The following EPS8 variants were observed in gnomAD, a reference collection of about 807,000 sequenced individuals.
The protein encoded by EPS8 is EGFR pathway substrate 8, signaling adaptor, also known as epidermal growth factor receptor kinase substrate 8.
EPS8 carries 42 observed loss-of-function variants against 103.8 expected under a neutral mutation model. The ratio of observed to expected loss-of-function variants is 0.40; its 90% CI spans 0.32 to 0.52. The LOEUF is 0.52. Ranked by LOEUF, EPS8 falls within the 20% of genes least tolerant of loss-of-function variation. EPS8 has a pLI of 0.40. For missense variants in EPS8, 969 were observed against 1,005.1 expected (o/e 0.96, Z 0.49); for synonymous variants, 344 against 344.6 (o/e 1.00, Z 0.02).
chr12:15,689,298 GTATT>G (rs1565501459), intron 1 of EPS8, among the ~76,000 whole-genome samples: 1 of 151,956 alleles, frequency 6.6e-6, no homozygotes, highest in East Asian at 1.9e-4. Context: ...GAAAGGAAGA[GTATT>G]TACTGAGAAA....
chr12:15,673,650 C>T (rs1402079055), intron 3 of EPS8, among the ~76,000 whole-genome samples: 1 of 152,168 alleles, frequency 6.6e-6, no homozygotes, highest in East Asian at 1.9e-4. Flanking sequence ...CAGTGTGCAA[C>T]TCATCTACTA....
intron 6 of EPS8, among the ~76,000 whole-genome samples, chr12:15,667,098 G>A (rs920411345): frequency 5.9e-5 from 9 of 151,990 alleles, no homozygotes; most frequent in South Asian, 2.1e-4. Flanking sequence ...ATTTTTCTTG[G>A]GGAGCAACGT....
chr12:15,694,327 T>C (rs890850238), intron 1 of EPS8, among the ~76,000 whole-genome samples: 2 of 152,226 alleles, frequency 1.3e-5, no homozygotes, highest in African/African-American at 2.4e-5. Context: ...AGCTGGTATT[T>C]TGGTAGTATA....
At chr12:15,750,808 C>T (rs1445583558) in intron 1 of EPS8, among the ~76,000 whole-genome samples, 1 of 152,088 alleles carries the variant, frequency 6.6e-6, no homozygotes, top group Non-Finnish European at 1.5e-5. Context: ...TTTTAAAGAC[C>T]ATGTTTTAGA....
chr12:15,752,893 A>G lies in EPS8; in HGVS notation c.-22+36268T>C, dbSNP rs1005881520. ...AATCCTATGAGAAAGGCAAGGCAAG[A>G]ACCATTACTTTCCTAACAACATCAA... On this transcript the variant is annotated intron_variant, in intron 1 of 20. Coordinates refer to ENST00000281172, the MANE Select transcript of EPS8 (RefSeq NM_004447.6). The surrounding 1 kb of genome is among the most constrained non-coding windows in gnomAD (Gnocchi z 4.4). Among the ~76,000 whole-genome samples, 5 of 152,162 alleles carry G rather than the reference A, an allele frequency of 3.3e-5. No homozygotes were observed. Among genetic ancestry groups the G allele is most frequent in the African/African-American group, 1.2e-4 (5 of 41,426 alleles).
chr12:15,691,009 G>C (rs1464695627), intron 1 of EPS8, among the ~76,000 whole-genome samples: 1 of 151,962 alleles, frequency 6.6e-6, no homozygotes, highest in Non-Finnish European at 1.5e-5. Context: ...TTGTCAGTAG[G>C]TAATCCTACT....
At position 15,759,002 on chromosome 12, in the gene EPS8, T is replaced by A. The variant is rs1947015224; in HGVS notation, c.-22+30159A>T. 6.6e-6 allele frequency among the ~76,000 whole-genome samples: 1 copy of A among 152,170 alleles called. No individual in the cohort carries two copies. The highest frequency in any genetic ancestry group is 1.5e-5 in the Non-Finnish European group (1 of 68,016). On this transcript the variant is annotated intron_variant, in intron 1 of 20. Coordinates refer to ENST00000281172, the MANE Select transcript of EPS8 (RefSeq NM_004447.6). This position sits in a 1 kb window ranked among gnomAD's most constrained non-coding sequence, Gnocchi z 4.9. ...CTATTCAATGCACTCCAGCCTGGAT[T>A]CTGGATTCTTCTACAGATTTTTTTT...
At position 15,738,626 on chromosome 12, in the gene EPS8, T is replaced by A. The variant is rs144396403; in HGVS notation, c.-22+50535A>T. Among the ~76,000 whole-genome samples the A allele has an allele frequency of 1.2e-3, 177 of 152,346 alleles. No individual in the cohort carries two copies. Among genetic ancestry groups the A allele is most frequent in the African/African-American group, 4.1e-3 (169 of 41,588 alleles). ...TGCCCTAGGGCATTCTGCATTATTA[T>A]GCCCTAGGGCATTTTAAGTACCTTA... On this transcript the variant is annotated intron_variant, in intron 1 of 20. Coordinates refer to ENST00000281172, the MANE Select transcript of EPS8 (RefSeq NM_004447.6). The surrounding 1 kb of genome is among the most constrained non-coding windows in gnomAD (Gnocchi z 6.2).
rs186172019 is a variant in EPS8, at chr12:15,696,580, G to T, written c.-21-13608C>A. Among the ~76,000 whole-genome samples the T allele has an allele frequency of 1.4e-3, 214 of 152,204 alleles. No homozygotes were observed. The highest frequency in any genetic ancestry group is 4.9e-3 in the African/African-American group (205 of 41,534). Reference sequence around the variant, plus strand: ...TGCTTGAACCCAGGAGGCGGAGGTTGCAGTGAGCCAAGATCGCACCATTGA... The same window carrying T: ...TGCTTGAACCCAGGAGGCGGAGGTTTCAGTGAGCCAAGATCGCACCATTGA... On this transcript the variant is annotated intron_variant, in intron 1 of 20. Coordinates refer to ENST00000281172, the MANE Select transcript of EPS8 (RefSeq NM_004447.6). This position sits in a 1 kb window ranked among gnomAD's most constrained non-coding sequence, Gnocchi z 4.8.
intron 14 of EPS8, among the ~76,000 whole-genome samples, chr12:15,647,777 C>G (rs892892884): frequency 1.3e-5 from 2 of 152,122 alleles, no homozygotes; most frequent in African/African-American, 4.8e-5. Flanking sequence ...CTACTGGGAG[C>G]TACCAAGAGT....
chr12:15,787,641 AT>A lies in EPS8; in HGVS notation c.-22+1519del, dbSNP rs750941533. Among the ~76,000 whole-genome samples, 3 of 152,162 alleles carry A rather than the reference AT, an allele frequency of 2.0e-5. No individual in the cohort carries two copies. Among genetic ancestry groups the A allele is most frequent in the Non-Finnish European group, 2.9e-5 (2 of 68,022 alleles). ...CTCAGAATAGTAGAATTAAAAGCAA[AT>A]TATATTTTCCTTCTTTTTTTTCTGC... On this transcript the variant is annotated intron_variant, in intron 1 of 20. Coordinates refer to ENST00000281172, the MANE Select transcript of EPS8 (RefSeq NM_004447.6). The surrounding 1 kb of genome is among the most constrained non-coding windows in gnomAD (Gnocchi z 4.9).
At chr12:15,756,415 T>G (rs1323460900) in intron 1 of EPS8, among the ~76,000 whole-genome samples, 1 of 152,194 alleles carries the variant, frequency 6.6e-6, no homozygotes, top group African/African-American at 2.4e-5. Context: ...AAAAATGTAT[T>G]TCTTAATTAT....
chr12:15,743,856 G>A (rs988806886), intron 1 of EPS8, among the ~76,000 whole-genome samples: 9 of 152,190 alleles, frequency 5.9e-5, no homozygotes, highest in African/African-American at 1.9e-4. Flanking sequence ...CATGGGCAAG[G>A]ACTTCATGAC....
intron 16 of EPS8, 124 bp downstream of exon 16, chr12:15,641,598 A>AT: frequency 2.1e-6 from 1 of 469,888 alleles, no homozygotes; most frequent in Non-Finnish European, 3.7e-6. Flanking sequence ...ATAGATGTAG[A>AT]TATTTCTAAT....
chr12:15,703,847 GTTT>G (rs58735135), intron 1 of EPS8, among the ~76,000 whole-genome samples: 248 of 61,242 alleles, frequency 4.0e-3, no homozygotes, highest in African/African-American at 0.017. Flanking sequence ...CTATGTATTT[GTTT>G]TTTTTTTTTT....
intron 1 of EPS8, among the ~76,000 whole-genome samples, chr12:15,741,863 T>C (rs916290184): frequency 3.3e-5 from 5 of 152,184 alleles, no homozygotes; most frequent in African/African-American, 1.2e-4. Context: ...CCCTCGCCCC[T>C]TCCCCCAACC....
intron 18 of EPS8, among the ~76,000 whole-genome samples, chr12:15,624,701 C>G (rs1944917093): frequency 6.6e-6 from 1 of 152,196 alleles, no homozygotes; most frequent in African/African-American, 2.4e-5. Context: ...TATAACACAA[C>G]AATGCTGAAT....
intron 18 of EPS8, among the ~76,000 whole-genome samples, chr12:15,629,341 C>T (rs1467880355): frequency 6.6e-6 from 1 of 152,174 alleles, no homozygotes; most frequent in Non-Finnish European, 1.5e-5. Flanking sequence ...CCTAGCTAGG[C>T]CTGGATAAAG....
At position 15,736,867 on chromosome 12, in the gene EPS8, A is replaced by G. The variant is rs1000317952; in HGVS notation, c.-22+52294T>C. 1.3e-5 allele frequency among the ~76,000 whole-genome samples: 2 copies of G among 152,206 alleles called. No homozygotes were observed. The highest frequency in any genetic ancestry group is 4.8e-5 in the African/African-American group (2 of 41,452). On this transcript the variant is annotated intron_variant, in intron 1 of 20. Transcript: ENST00000281172. This position sits in a 1 kb window ranked among gnomAD's most constrained non-coding sequence, Gnocchi z 4.2. Reference sequence around the variant, plus strand: ...AAACAGTACGCATGATGATGAATTTACATTATGCTTATGAAGGATGGGATG... The same window carrying G: ...AAACAGTACGCATGATGATGAATTTGCATTATGCTTATGAAGGATGGGATG...
Sources: gnomAD v4.1 joint callset for allele counts (sites outside exome capture counted in the v4.1 genomes callset) on GRCh38, gnomAD v4.1.1 for gene constraint, Gnocchi (gnomAD v3.1) non-coding constraint, MANE v1.5 for transcripts, NCBI Gene and HGNC (gene_info 2026-07-23, HGNC 2026-07-21) for gene names.